Variants in AGAP6 observed in about 807,000 individuals in gnomAD.
AGAP6 encodes ArfGAP with GTPase domain, ankyrin repeat and PH domain 6.
A neutral mutation model predicts 63.9 loss-of-function variants in AGAP6; 29 were observed. That is an observed-to-expected ratio of 0.45 (90% CI 0.34 to 0.62). AGAP6 has a LOEUF of 0.62. Among genes scored for constraint, AGAP6 ranks in the 20% least tolerant of loss-of-function variants. The pLI is 0.01. For missense variants in AGAP6, 493 were observed against 884.9 expected, an observed-to-expected ratio of 0.56 and a Z score of 5.62; for synonymous variants, 199 against 332.9, an observed-to-expected ratio of 0.60 and a Z score of 4.38.
chr10:49,999,212 C>T (rs541845552), intron 4 of AGAP6, among the ~76,000 whole-genome samples: 3 of 137,792 alleles, frequency 2.2e-5, no homozygotes, highest in Non-Finnish European at 4.6e-5. Context: ...CATACTCCAG[C>T]CTGGGCAACA....
intron 2 of AGAP6, among the ~76,000 whole-genome samples, chr10:49,989,607 A>T (rs1233340996): frequency 1.3e-5 from 2 of 152,042 alleles, no homozygotes; most frequent in African/African-American, 4.8e-5. Flanking sequence ...TCCTATTCAA[A>T]TATTTGGGGA....
At chr10:50,004,214 A>T (rs1311157225) in intron 5 of AGAP6, among the ~76,000 whole-genome samples, 1 of 139,026 alleles carries the variant, frequency 7.2e-6, no homozygotes, top group Admixed American at 7.9e-5. Context: ...AAATTATCTG[A>T]GCATAGTGGC....
At position 50,001,043 on chromosome 10, in the gene AGAP6, T is replaced by C. The variant is rs1455486430; in HGVS notation, c.397-953T>C. 2.6e-5 allele frequency among the ~76,000 whole-genome samples: 4 copies of C among 152,194 alleles called. No individual in the cohort carries two copies. In the East Asian group the frequency reaches 5.8e-4, roughly 22 times the overall value. On this transcript the variant is annotated intron_variant, in intron 4 of 7. Transcript: ENST00000412531. ...ACATTTTATCGTAGTAAATAAATAATAGAAGGGCTGGGCGCCGTGGCTTAC... is the reference window on the plus strand; with the variant it reads ...ACATTTTATCGTAGTAAATAAATAACAGAAGGGCTGGGCGCCGTGGCTTAC...
At position 50,010,032 on chromosome 10, in the gene AGAP6, A is replaced by G; in HGVS notation, c.1907A>G (p.Asn636Ser). 1 of 1,611,000 alleles carries G rather than the reference A, an allele frequency of 6.2e-7. No individual in the cohort carries two copies. Among genetic ancestry groups the G allele is most frequent in the South Asian group, 1.1e-5 (1 of 90,950 alleles). ...TALHLACRKG[N>S]VVLAQLLIWY... ...CTCCATCTGGCCTGCCGCAAGGGGA[A>G]TGTGGTCCTGGCGCAGCTCCTGATC... The change falls in exon 8 of 8, where the codon AAT becomes AGT. Residue 636 changes from asparagine to serine, a missense_variant. By Grantham distance (46) the Asn-to-Ser change is conservative. This residue lies in a region of AGAP6 where 34 missense variants were observed against 82.7 expected (regional missense o/e 0.41). Transcript: ENST00000412531.
intron 5 of AGAP6, among the ~76,000 whole-genome samples, chr10:50,003,315 TATC>T (rs1346783506): frequency 2.0e-5 from 3 of 149,812 alleles, no homozygotes; most frequent in Non-Finnish European, 4.4e-5. Context: ...AAAAATGTTT[TATC>T]ATGAATCAGT....
At chr10:49,992,699 G>T (rs1841327365) in intron 3 of AGAP6, among the ~76,000 whole-genome samples, 1 of 152,124 alleles carries the variant, frequency 6.6e-6, no homozygotes, top group Admixed American at 6.5e-5. Context: ...AAAGGCAAAG[G>T]GGAAGCAGGT....
At position 49,991,742 on chromosome 10, in the gene AGAP6, A is replaced by G. The variant is rs782705656; in HGVS notation, c.359A>G (p.Asp120Gly). The G allele has an allele frequency of 1.9e-5, 31 of 1,598,630 alleles. No individual in the cohort carries two copies. The highest frequency in any genetic ancestry group is 1.1e-5 in the Non-Finnish European group (13 of 1,179,752). ...ATATTCCAGAGGAACTCTCAAACAG[A>G]TGGTGAGACGACATTGTCTTTTCCA... ...STIFQRNSQT[D>G]VVEIRRSNCT... Residue 120 changes from aspartate to glycine, a missense_variant and splice_region_variant, in exon 3 of 8, where the codon GAT (aspartate) becomes GGT (glycine). Asp to Gly is a moderately conservative substitution (Grantham distance 94). Transcript: ENST00000412531.
At chr10:49,989,224 C>T (rs562953224) in intron 1 of AGAP6, 84 bp from the exon 2 acceptor site, 31 of 1,571,882 alleles carry the variant, frequency 2.0e-5, no homozygotes, top group Non-Finnish European at 2.5e-5. Flanking sequence ...TGGCTCTTGT[C>T]GAATAAGCAG....
intron 4 of AGAP6, among the ~76,000 whole-genome samples, chr10:49,995,786 T>C (rs184130017): frequency 6.6e-6 from 1 of 152,358 alleles, no homozygotes; most frequent in Admixed American, 6.5e-5. Flanking sequence ...TCCTCTTTGA[T>C]AGAGAGTACA....
chr10:49,996,570 C>T (rs1317196770), intron 4 of AGAP6, among the ~76,000 whole-genome samples: 4 of 151,182 alleles, frequency 2.6e-5, no homozygotes, highest in African/African-American at 9.7e-5. Context: ...AGTTGGAGTT[C>T]CATTTTTGGT....
At chr10:49,989,268 A>G in intron 1 of AGAP6, 40 bp from the exon 2 acceptor site, 4 of 1,595,100 alleles carry the variant, frequency 2.5e-6, no homozygotes, top group Non-Finnish European at 2.5e-6. Flanking sequence ...ATTTTTATAA[A>G]TGATTACATC....
chr10:50,002,245 T>C lies in AGAP6; in HGVS notation c.497+149T>C, dbSNP rs1362187766. On this transcript the variant is annotated intron_variant, in intron 5 of 7. Coordinates refer to ENST00000412531, the MANE Select transcript of AGAP6 (RefSeq NM_001077665.3). Reference sequence around the variant, plus strand: ...CTGAATATTAAGTATCAGTTTCTCTTTTAATCTTAGACGTCGTGGTGGAAG... The same window carrying C: ...CTGAATATTAAGTATCAGTTTCTCTCTTAATCTTAGACGTCGTGGTGGAAG... 15 of 774,522 alleles carry C rather than the reference T, an allele frequency of 1.9e-5. 1 individual carries two copies. The highest frequency in any genetic ancestry group is 3.8e-4 in the Middle Eastern group (1 of 2,608). The allele number at this position is 774,522 out of a possible 1,614,324, so 48.0% of individuals were successfully genotyped here.
chr10:50,001,957 A>C, intron 4 of AGAP6, 39 bp from the exon 5 acceptor site: 1 of 1,607,574 alleles, frequency 6.2e-7, no homozygotes, highest in East Asian at 2.2e-5. Context: ...AAAATAATAC[A>C]CTTTGATAAG....
In AGAP6 at chr10:49,998,298, G is replaced by A. The variant is rs374595652; in HGVS notation, c.397-3698G>A. ...TCATGAAGTCTTTGCCTAAGCCAGC[G>A]TCTAGACGGGTTTTTCCAATGTTAT... is the stretch of plus-strand genomic sequence containing the variant. On this transcript the variant is annotated intron_variant, in intron 4 of 7. Transcript: ENST00000412531. Among the ~76,000 whole-genome samples, 31 of 119,028 alleles carry A rather than the reference G, an allele frequency of 2.6e-4. 2 individuals are homozygous for A. In the East Asian group the frequency reaches 3.8e-3, roughly 15 times the overall value. The allele number at this position is 119,028 out of a possible 152,430, so 78.1% of individuals were successfully genotyped here.
chr10:49,989,158 C>T (rs1175523965), intron 1 of AGAP6, 150 bp from the exon 2 acceptor site: 22 of 1,438,208 alleles, frequency 1.5e-5, no homozygotes, highest in Admixed American at 8.7e-5. Context: ...CTCCCAATCG[C>T]CCAGTTCTTG....
rs556167947 is a variant in AGAP6, at chr10:50,010,444, A to G, written c.*258A>G. On this transcript the variant is annotated 3_prime_UTR_variant, in exon 8 of 8. Coordinates refer to ENST00000412531, the MANE Select transcript of AGAP6 (RefSeq NM_001077665.3). ...AGTCACACAGGCTTCTGTATTATGT[A>G]TTTAGATAAAATGTGTGAAAACATA... 17 of 730,268 alleles carry G rather than the reference A, an allele frequency of 2.3e-5. No homozygotes were observed. The highest frequency in any genetic ancestry group is 2.1e-4 in the Admixed American group (7 of 32,948). The allele number at this position is 730,268 out of a possible 1,614,324, so 45.2% of individuals were successfully genotyped here.
chr10:50,001,261 C>T (rs1325303588), intron 4 of AGAP6, among the ~76,000 whole-genome samples: 68 of 150,304 alleles, frequency 4.5e-4, no homozygotes, highest in Non-Finnish European at 1.2e-4. Context: ...ACCCGGGAGG[C>T]GGAGCTTGCA....
chr10:50,002,914 C>CA (rs1841766141), intron 5 of AGAP6, among the ~76,000 whole-genome samples: 1 of 141,030 alleles, frequency 7.1e-6, no homozygotes, highest in Non-Finnish European at 1.5e-5. Context: ...GTGTTTCGAA[C>CA]AAAAACTGGA....
chr10:49,991,777 A>G (rs1554861040), intron 3 of AGAP6, 33 bp downstream of exon 3: 1 of 1,597,690 alleles, frequency 6.3e-7, no homozygotes, highest in African/African-American at 1.3e-5. Flanking sequence ...ACCAAGAGAA[A>G]GAATAAAAGC....
Sources: allele counts gnomAD v4.1 joint callset (sites outside exome capture counted in the v4.1 genomes callset), GRCh38; gene constraint gnomAD v4.1.1; regional missense constraint gnomAD v4.1.1; transcripts MANE v1.5; gene names NCBI Gene and HGNC (gene_info 2026-07-23, HGNC 2026-07-21).